DSE: variants seen among roughly 807,000 people sequenced by gnomAD.
DSE encodes the protein dermatan sulfate epimerase.
In DSE, 36 loss-of-function variants were observed where a neutral mutation model predicts 84.4. The ratio of observed to expected loss-of-function variants is 0.43; its 90% CI spans 0.33 to 0.56. DSE has a LOEUF of 0.56. Ranked by LOEUF, DSE falls within the 20% of genes least tolerant of loss-of-function variation. The pLI is 0.06. For synonymous variants in DSE, 410 were observed against 430.1 expected, an observed-to-expected ratio of 0.95 and a Z score of 0.58; for missense variants, 862 against 1,169.6, an observed-to-expected ratio of 0.74 and a Z score of 3.84.
chr6:116,381,296 G>A (rs1485245255), intron 1 of DSE, among the ~76,000 whole-genome samples: 1 of 152,120 alleles, frequency 6.6e-6, no homozygotes, highest in African/African-American at 2.4e-5. Context: ...AGCAATGATG[G>A]GCAGGTAAGT....
intron 2 of DSE, among the ~76,000 whole-genome samples, chr6:116,312,588 C>T (rs1268144299): frequency 4.6e-5 from 7 of 152,040 alleles, no homozygotes; most frequent in Non-Finnish European, 7.4e-5. Flanking sequence ...TAATGGTTAC[C>T]CATAATATAC....
chr6:116,263,918 T>G (rs1406996608), intron 2 of DSE, among the ~76,000 whole-genome samples: 4 of 152,212 alleles, frequency 2.6e-5, no homozygotes, highest in African/African-American at 9.7e-5. Flanking sequence ...TGTTGAACAT[T>G]GGCCCTCAAT....
chr6:116,340,768 T>C (rs561070855), intron 2 of DSE, among the ~76,000 whole-genome samples: 1 of 152,294 alleles, frequency 6.6e-6, no homozygotes, highest in East Asian at 1.9e-4. Flanking sequence ...GATAGTTTGC[T>C]CAGAATGATG....
intron 2 of DSE, among the ~76,000 whole-genome samples, chr6:116,260,000 T>C (rs1772343613): frequency 6.6e-6 from 1 of 152,222 alleles, no homozygotes; most frequent in African/African-American, 2.4e-5. Flanking sequence ...TTTGGGTAAA[T>C]ACCTATTAAT....
intron 2 of DSE, among the ~76,000 whole-genome samples, chr6:116,349,224 TATAC>T (rs1778174902): frequency 6.6e-6 from 1 of 152,122 alleles, no homozygotes; most frequent in Non-Finnish European, 1.5e-5. Context: ...CACACACCCA[TATAC>T]ATACATACAC....
At chr6:116,338,646 C>T (rs1777410076) in intron 2 of DSE, among the ~76,000 whole-genome samples, 1 of 152,150 alleles carries the variant, frequency 6.6e-6, no homozygotes, top group Non-Finnish European at 1.5e-5. Context: ...GTGGCAGGCT[C>T]AGCTAAGCAA....
chr6:116,341,504 G>A (rs1777591499), intron 2 of DSE, among the ~76,000 whole-genome samples: 3 of 152,112 alleles, frequency 2.0e-5, no homozygotes, highest in Admixed American at 6.5e-5. Context: ...TGTCAATTTT[G>A]GCTTTTGTTG....
intron 2 of DSE, among the ~76,000 whole-genome samples, chr6:116,418,063 T>C (rs1267535042): frequency 6.6e-6 from 1 of 152,154 alleles, no homozygotes; most frequent in Non-Finnish European, 1.5e-5. Context: ...TCAATGTACA[T>C]GTGATTAGGC....
intron 1 of DSE, among the ~76,000 whole-genome samples, chr6:116,381,987 A>G (rs1008694957): frequency 6.6e-6 from 1 of 151,158 alleles, no homozygotes; most frequent in African/African-American, 2.4e-5. Context: ...TGGCATGCTC[A>G]TCTTGTAGAT....
At chr6:116,274,605 C>T (rs1193082537) in intron 2 of DSE, among the ~76,000 whole-genome samples, 1 of 151,888 alleles carries the variant, frequency 6.6e-6, no homozygotes, top group African/African-American at 2.4e-5. Context: ...GAGCATTTTA[C>T]TTTAGAAAAT....
intron 2 of DSE, among the ~76,000 whole-genome samples, chr6:116,283,348 A>G (rs539684101): frequency 6.6e-6 from 1 of 152,276 alleles, no homozygotes; most frequent in East Asian, 1.9e-4. Flanking sequence ...CAACTCTTTT[A>G]TGAGCTGCAC....
At chr6:116,367,628 GA>G (rs1779240090), upstream of DSE, among the ~76,000 whole-genome samples, 1 of 152,218 alleles carries the variant, frequency 6.6e-6, no homozygotes, top group Non-Finnish European at 1.5e-5. Context: ...TAAAATGGAT[GA>G]CTAAACAAAA....
At chr6:116,277,904 G>A (rs548815159) in intron 2 of DSE, 1 of 94,218 alleles carries the variant, frequency 1.1e-5, no homozygotes, top group Non-Finnish European at 1.8e-5. Context: ...TCCGTCCTCC[G>A]TCTCAAAAAA....
At chr6:116,317,483 G>A (rs1776052534) in intron 2 of DSE, among the ~76,000 whole-genome samples, 1 of 152,200 alleles carries the variant, frequency 6.6e-6, no homozygotes, top group African/African-American at 2.4e-5. Context: ...GTTATTATCA[G>A]TCTTGTGCTG....
rs1274601230 is a variant in DSE, at chr6:116,332,199, ATATTTTAGCAGT to A, written c.-53-66997_-53-66986del. Among the ~76,000 whole-genome samples the A allele has an allele frequency of 3.3e-5, 5 of 152,226 alleles. No individual in the cohort carries two copies. In the East Asian group the frequency reaches 9.6e-4, roughly 29 times the overall value. On this transcript the variant is annotated intron_variant, in intron 2 of 3. Transcript: ENST00000430252. The stretch of plus-strand genomic sequence containing the variant: ...AAAAATATTTAAAACCTAAAAATAA[ATATTTTAGCAGT>A]TGTAAAAGAAACATAAAACATTCCC...
At chr6:116,330,935 CAAGTT>C (rs1776898213) in intron 2 of DSE, among the ~76,000 whole-genome samples, 1 of 152,192 alleles carries the variant, frequency 6.6e-6, no homozygotes, top group African/African-American at 2.4e-5. Context: ...TGAAATGTCA[CAAGTT>C]GAGTTTGTTG....
chr6:116,259,677 A>C (rs1772320411), intron 2 of DSE, among the ~76,000 whole-genome samples: 1 of 152,144 alleles, frequency 6.6e-6, no homozygotes, highest in South Asian at 2.1e-4. Flanking sequence ...GATAAACCCC[A>C]GTGTGTGTTG....
At chr6:116,369,468 T>C (rs1459210320), upstream of DSE, among the ~76,000 whole-genome samples, 1 of 152,242 alleles carries the variant, frequency 6.6e-6, no homozygotes. Flanking sequence ...AAACATTAGC[T>C]ATTTTTATTA....
Position 116,343,244 on chromosome 6 carries a change from C to A in DSE, c.-53-55954C>A, listed in dbSNP as rs556853695. ...CAGGGCATAGCTGAACAAAAGGCAG[C>A]AGAAACTTCTGCAGACTTAAACGTC... On this transcript the variant is annotated intron_variant, in intron 2 of 3. Coordinates refer to the DSE transcript ENST00000430252. Among the ~76,000 whole-genome samples the A allele has an allele frequency of 5.4e-4, 83 of 152,318 alleles. 1 individual carries two copies. The highest frequency in any genetic ancestry group is 1.9e-3 in the African/African-American group (81 of 41,558).
Sources: gnomAD v4.1 joint callset for allele counts (sites outside exome capture counted in the v4.1 genomes callset) on GRCh38, gnomAD v4.1.1 for gene constraint, MANE v1.5 for transcripts, NCBI Gene and HGNC (gene_info 2026-07-23, HGNC 2026-07-21) for gene names.